Variants in PHLPP1 observed in about 807,000 individuals in gnomAD.
The protein encoded by PHLPP1 is PH domain and leucine rich repeat protein phosphatase 1, also known as PH domain leucine-rich repeat-containing protein phosphatase 1.
In PHLPP1, 42 loss-of-function variants were observed where a neutral mutation model predicts 117.2. The ratio of observed to expected loss-of-function variants is 0.36; its 90% confidence interval spans 0.28 to 0.46. The LOEUF (loss-of-function observed/expected upper bound fraction) is 0.46. Among genes scored for constraint, PHLPP1 ranks in the 20% least tolerant of loss-of-function variants. PHLPP1 has a pLI of 1.00. For synonymous variants in PHLPP1, 1,042 were observed against 970.7 expected (o/e 1.07, Z -1.37); for missense variants, 2,084 against 2,241.9 (o/e 0.93, Z 1.42).
intron 1 of PHLPP1, among the ~76,000 whole-genome samples, chr18:62,774,181 G>A (rs1177967494): frequency 2.6e-5 from 4 of 152,140 alleles, no homozygotes; most frequent in Admixed American, 2.6e-4. Flanking sequence ...GGTTAGCTTG[G>A]ATAGATTTAA....
chr18:62,830,314 C>T (rs1023150853), intron 2 of PHLPP1, 83 bp downstream of exon 2: 7 of 1,124,208 alleles, frequency 6.2e-6, no homozygotes, highest in African/African-American at 1.6e-5. Flanking sequence ...GGTCTCAACT[C>T]ACTGCAACCT....
Position 62,953,689 on chromosome 18 carries a change from G to C in PHLPP1, c.3325-4940G>C, listed in dbSNP as rs750852880. On this transcript the variant is annotated intron_variant, in intron 12 of 16. Transcript: ENST00000262719. ...GTCCTTAATACATTTTCTTTTGAAA[G>C]AATACTTGCATTTATTTACTTCTTA... Among the ~76,000 whole-genome samples, 4 of 152,320 alleles carry C rather than the reference G, an allele frequency of 2.6e-5. No individual in the cohort carries two copies. The South Asian group carries it at 8.3e-4, about 32-fold the overall frequency.
At chr18:62,835,737 TA>T (rs1219677765) in intron 2 of PHLPP1, among the ~76,000 whole-genome samples, 1 of 151,754 alleles carries the variant, frequency 6.6e-6, no homozygotes, top group Non-Finnish European at 1.5e-5. Context: ...CTAATTACGT[TA>T]AACTGTCTTT....
At chr18:62,861,488 C>G (rs1488120107) in intron 4 of PHLPP1, among the ~76,000 whole-genome samples, 1 of 152,226 alleles carries the variant, frequency 6.6e-6, no homozygotes, top group Non-Finnish European at 1.5e-5. Context: ...CATTCACTTC[C>G]TTTCCTCTTT....
chr18:62,825,365 T>A (rs1242292219), intron 1 of PHLPP1: 1 of 148,414 alleles, frequency 6.7e-6, no homozygotes, highest in African/African-American at 2.4e-5. Flanking sequence ...TGTATATATA[T>A]AAATATATCA....
chr18:62,963,446 C>T lies in PHLPP1; in HGVS notation c.3534C>T (p.Tyr1178=). ...SGAPAVWSHG[Y]TEASGVKNKL... The stretch of plus-strand genomic sequence containing the variant: ...CCCCAGCTGTATGGAGTCATGGTTA[C>T]ACTGAAGCTTCGGGGGTAAAAAACA... The change falls in exon 14 of 17, where the codon TAC becomes TAT. Residue 1178 remains tyrosine, a synonymous_variant. Transcript: ENST00000262719. The T allele has an allele frequency of 6.2e-7, 1 of 1,612,688 alleles. No individual in the cohort carries two copies. Among genetic ancestry groups the T allele is most frequent in the South Asian group, 1.1e-5 (1 of 90,728 alleles).
chr18:62,876,221 C>G (rs1374527400), intron 4 of PHLPP1, among the ~76,000 whole-genome samples: 3 of 152,022 alleles, frequency 2.0e-5, no homozygotes, highest in Non-Finnish European at 4.4e-5. Context: ...AACTGGACTT[C>G]TAAAAAAAAA....
intron 4 of PHLPP1, among the ~76,000 whole-genome samples, chr18:62,865,528 G>A (rs1389115528): frequency 6.6e-6 from 1 of 152,166 alleles, no homozygotes; most frequent in Admixed American, 6.5e-5. Context: ...CAGAAGTGTA[G>A]ACTTTTGCAC....
In PHLPP1 at chr18:62,860,566, C is replaced by T. The variant is rs187962936; in HGVS notation, c.2031C>T (p.Ser677=). The T allele has an allele frequency of 1.5e-3, 2,496 of 1,613,416 alleles. 4 individuals are homozygous for T. The highest frequency in any genetic ancestry group is 1.9e-3 in the Non-Finnish European group (2,208 of 1,179,656). The part of the protein sequence containing the change: ...LKQNFLRQNP[S]LPAARGLNEL... ...AAAACTTCCTAAGGCAGAACCCTAG[C>T]CTTCCAGCTGCCAGGGGGCTTAATG... The change falls in exon 4 of 17, where the codon AGC becomes AGT. Residue 677 remains serine, a synonymous_variant. Coordinates refer to ENST00000262719, the MANE Select transcript of PHLPP1 (RefSeq NM_194449.4).
intron 1 of PHLPP1, among the ~76,000 whole-genome samples, chr18:62,774,329 CA>C (rs1313958732): frequency 6.6e-6 from 1 of 152,146 alleles, no homozygotes; most frequent in Non-Finnish European, 1.5e-5. Context: ...TGGGGAAGTG[CA>C]AGGAGACTGA....
At chr18:62,746,901 ACAAATT>A (rs1911691625) in intron 1 of PHLPP1, among the ~76,000 whole-genome samples, 1 of 152,268 alleles carries the variant, frequency 6.6e-6, no homozygotes, top group Admixed American at 6.5e-5. Flanking sequence ...CCTTTAAACT[ACAAATT>A]CAAATGTATC....
At chr18:62,783,367 A>G (rs1405400990) in intron 1 of PHLPP1, among the ~76,000 whole-genome samples, 10 of 151,738 alleles carry the variant, frequency 6.6e-5, no homozygotes, top group Non-Finnish European at 1.0e-4. Flanking sequence ...AGCTGGGACT[A>G]CAGGTGCCCG....
Position 62,716,799 on chromosome 18 carries a change from C to T in PHLPP1, c.1116C>T (p.Ser372=), listed in dbSNP as rs929991204. The T allele has an allele frequency of 2.0e-5, 31 of 1,526,710 alleles. No individual in the cohort carries two copies. The highest frequency in any genetic ancestry group is 1.7e-4 in the Middle Eastern group (1 of 5,974). 94.6% of individuals were successfully genotyped at this position (1,526,710 alleles called of 1,614,324 possible). The change falls in exon 1 of 17, where the codon TCC becomes TCT. Residue 372 remains serine (S), a synonymous_variant. Transcript: ENST00000262719. This position sits in a 1 kb window ranked among gnomAD's most constrained non-coding sequence, Gnocchi z 5.7. ...ACCCCTACAGCAGCGGCGGCGGCTC[C>T]TCGTCGTCGTCGGAAGAGCTCGAGG... The part of the protein sequence containing the change: ...RLDPYSSGGG[S]SSSSEELEAD...
chr18:62,795,517 C>T (rs1274878981), intron 1 of PHLPP1, among the ~76,000 whole-genome samples: 1 of 138,642 alleles, frequency 7.2e-6, no homozygotes, highest in African/African-American at 2.7e-5. Context: ...AAAAAAACAA[C>T]AACAAAAATT....
intron 3 of PHLPP1, among the ~76,000 whole-genome samples, chr18:62,859,099 A>G (rs1915567974): frequency 6.6e-6 from 1 of 152,192 alleles, no homozygotes; most frequent in Non-Finnish European, 1.5e-5. Flanking sequence ...GGGGTTTGGT[A>G]AAAGAAAAAG....
At chr18:62,886,133 A>G (rs1371705820) in intron 4 of PHLPP1, among the ~76,000 whole-genome samples, 2 of 152,304 alleles carry the variant, frequency 1.3e-5, no homozygotes, top group Admixed American at 6.5e-5. Flanking sequence ...TATAATGTAA[A>G]TATAGTAGGA....
At chr18:62,972,341 T>C (rs1015036517) in intron 14 of PHLPP1, among the ~76,000 whole-genome samples, 173 bp from the exon 15 acceptor site, 16 of 152,262 alleles carry the variant, frequency 1.1e-4, no homozygotes, top group African/African-American at 3.9e-4. Flanking sequence ...CCTTCTCTGC[T>C]TATCAAAATT....
rs543168329 is a variant in PHLPP1, at chr18:62,945,791, G to C, written c.3324+520G>C. Among the ~76,000 whole-genome samples the C allele has an allele frequency of 4.6e-5, 7 of 152,330 alleles. No individual in the cohort carries two copies. In the South Asian group the frequency reaches 1.5e-3, roughly 32 times the overall value. On this transcript the variant is annotated intron_variant, in intron 12 of 16. Transcript: ENST00000262719. ...ATTTCAACGGAATGAAATTGGCAGA[G>C]CAGATATTATTGTCATTTGATAAGT...
Position 62,838,917 on chromosome 18 carries a change from A to G in PHLPP1, c.1899+8A>G. On this transcript the variant is annotated splice_region_variant and intron_variant, in intron 3 of 16. Coordinates refer to ENST00000262719, the MANE Select transcript of PHLPP1 (RefSeq NM_194449.4). ...CTGCGACAAGTCTCCAAGGTAAGCA[A>G]GCACTTAATCCAGGAATCCACTCAG... 2 of 1,613,716 alleles carry G rather than the reference A, an allele frequency of 1.2e-6. No homozygotes were observed. The highest frequency in any genetic ancestry group is 1.7e-5 in the Admixed American group (1 of 60,024).
Sources: gnomAD v4.1 joint callset for allele counts (sites outside exome capture counted in the v4.1 genomes callset) on GRCh38, gnomAD v4.1.1 for gene constraint, Gnocchi (gnomAD v3.1) non-coding constraint, MANE v1.5 for transcripts, NCBI Gene and HGNC (gene_info 2026-07-23, HGNC 2026-07-21) for gene names.